Variants in PER3 observed in about 807,000 individuals in gnomAD.
PER3 encodes the protein period circadian regulator 3, also known as period circadian protein homolog 3.
Under a neutral mutation model 127.2 loss-of-function variants are expected in PER3, and 107 were observed. The observed-to-expected ratio is 0.84, with a 90% CI of 0.72 to 0.99. PER3 has a LOEUF of 0.99. Among genes scored for constraint, PER3 ranks in the 50% least tolerant of loss-of-function variants. The pLI, the probability that PER3 is intolerant of heterozygous loss-of-function variation, is 0.00. For synonymous variants in PER3, 618 were observed against 585.8 expected (o/e 1.05, Z -0.79); for missense variants, 1,560 against 1,525.8 (o/e 1.02, Z -0.37).
At chr1:7,816,948 G>A (rs6661252) in intron 13 of PER3, among the ~76,000 whole-genome samples, 85,416 of 152,082 alleles carry the variant, frequency 0.56, 25,276 homozygotes, top group Middle Eastern at 0.72. Context: ...TAAGCTATGT[G>A]TATCCACACA....
rs1158673436 is a variant in PER3, at chr1:7,792,622, C to T, written c.593-1335C>T. On this transcript the variant is annotated intron_variant, in intron 5 of 21. Coordinates refer to ENST00000377532, the MANE Select transcript of PER3 (RefSeq NM_001377275.1). ...CCACCCCCTTTATAGGCTATGCCTG[C>T]GTTACCCCCTTCGATTCCTTACTTT... Among the ~76,000 whole-genome samples, 5 of 152,164 alleles carry T rather than the reference C, an allele frequency of 3.3e-5. No individual in the cohort carries two copies. In the East Asian group the frequency reaches 7.7e-4, roughly 23 times the overall value.
rs757633714 is a variant in PER3, at chr1:7,809,941, G to A, written c.1291G>A (p.Gly431Arg). ...CGGCTACGGGAGCCTGGGGAGCAGC[G>A]GGTCGCAGGAGCAGCTTGTCAGCAT... Reference protein sequence around the residue: ...SSGYGSLGSSGSQEQLVSIAS... With the variant: ...SSGYGSLGSSRSQEQLVSIAS... The change falls in exon 12 of 22, where the codon GGG becomes AGG. Residue 431 changes from glycine to arginine, a missense_variant. By Grantham distance (125) the Gly-to-Arg change is moderately radical (BLOSUM62 -2). This residue lies in a region of PER3 where 1,332 missense variants were observed against 1,223.6 expected (regional missense o/e 1.09). Coordinates refer to ENST00000377532, the MANE Select transcript of PER3 (RefSeq NM_001377275.1). 5.0e-6 allele frequency: 8 copies of A among 1,613,932 alleles called. No individual in the cohort carries two copies. Among genetic ancestry groups the A allele is most frequent in the East Asian group, 4.5e-5 (2 of 44,894 alleles).
chr1:7,801,473 G>A (rs1378776859), intron 8 of PER3, among the ~76,000 whole-genome samples: 1 of 152,212 alleles, frequency 6.6e-6, no homozygotes, highest in African/African-American at 2.4e-5. Context: ...CCACCGGCCA[G>A]TTTGCTGAGA....
At chr1:7,790,805 A>G (rs2097115894) in intron 5 of PER3, among the ~76,000 whole-genome samples, 1 of 152,236 alleles carries the variant, frequency 6.6e-6, no homozygotes, top group African/African-American at 2.4e-5. Context: ...GGCCAAAACA[A>G]AGGGGCTACA....
intron 21 of PER3, among the ~76,000 whole-genome samples, chr1:7,838,473 A>G (rs545525132): frequency 2.3e-4 from 35 of 151,902 alleles, no homozygotes; most frequent in Admixed American, 1.8e-3. Flanking sequence ...CAGTGGTGTG[A>G]TCTTGGCTCA....
At position 7,819,367 on chromosome 1, in the gene PER3, C is replaced by T. The variant is rs144835907; in HGVS notation, c.1605C>T (p.Asn535=). The T allele has an allele frequency of 3.2e-4, 520 of 1,613,722 alleles. No homozygotes were observed. Among genetic ancestry groups the T allele is most frequent in the Non-Finnish European group, 4.1e-4 (482 of 1,179,656 alleles). ...VYTEPCEDLR[N]DEHSPSYQQI... is the part of the protein sequence containing the mutation. ...CTGAGCCCTGTGAGGATTTGAGGAA[C>T]GATGAGCACAGCCCATCCTATCAAC... is the stretch of plus-strand genomic sequence containing the variant. Residue 535 remains asparagine, a synonymous_variant, in exon 14 of 22, where the codon AAC becomes AAT. Coordinates refer to ENST00000377532, the MANE Select transcript of PER3 (RefSeq NM_001377275.1).
rs554792794 is a variant in PER3 at position 7,828,013 on chromosome 1, C to T, written c.2886+198C>T. ...GTTTGGAAAGTAGACATGAAAGAAT[C>T]ATCTATGTTCTAGTTTCTTATATAC... On this transcript the variant is annotated intron_variant, in intron 18 of 21. Transcript: ENST00000377532. Among the ~76,000 whole-genome samples the T allele has an allele frequency of 1.3e-4, 20 of 152,320 alleles. No homozygotes were observed. The South Asian group carries it at 4.1e-3, about 32-fold the overall frequency.
rs1247298556 is a variant in PER3 at position 7,827,621 on chromosome 1, A to G, written c.2692A>G (p.Thr898Ala). The change falls in exon 18 of 22, where the codon ACT becomes GCT. Residue 898 changes from threonine to alanine, a missense_variant. Around this residue, in one of 3 missense-constraint regions of PER3, gnomAD observed 1,332 missense variants for 1,223.6 expected, o/e 1.09. Coordinates refer to ENST00000377532, the MANE Select transcript of PER3 (RefSeq NM_001377275.1). The stretch of plus-strand genomic sequence containing the variant: ...CTCAATGTCGTCAGCAATGAGTCCA[A>G]CTCTGGACCCACCCCCTTCAGTCAC... The part of the protein sequence containing the change: ...SPSMSSAMSP[T>A]LDPPPSVTSQ... The G allele has an allele frequency of 6.2e-7, 1 of 1,614,032 alleles. No individual in the cohort carries two copies. The highest frequency in any genetic ancestry group is 8.5e-7 in the Non-Finnish European group (1 of 1,179,988).
At chr1:7,792,210 C>T (rs933095969) in intron 5 of PER3, among the ~76,000 whole-genome samples, 16 of 152,070 alleles carry the variant, frequency 1.1e-4, no homozygotes, top group Admixed American at 7.9e-4. Flanking sequence ...TCATGGCAGA[C>T]GGGGACATGT....
intron 2 of PER3, 52 bp from the exon 3 acceptor site, chr1:7,785,389 A>G (rs2097082340): frequency 2.0e-6 from 3 of 1,469,712 alleles, no homozygotes; most frequent in Non-Finnish European, 1.9e-6. Context: ...CCTAAGCCGC[A>G]AGATGCTGTT....
intron 8 of PER3, among the ~76,000 whole-genome samples, chr1:7,802,638 T>G (rs1577718556): frequency 7.2e-6 from 1 of 138,646 alleles, no homozygotes; most frequent in Non-Finnish European, 1.6e-5. Flanking sequence ...TTTAACATCA[T>G]CAGCATCTTT....
intron 13 of PER3, among the ~76,000 whole-genome samples, chr1:7,817,872 CA>C (rs2097258689): frequency 6.6e-6 from 1 of 152,128 alleles, no homozygotes; most frequent in South Asian, 2.1e-4. Flanking sequence ...TCCTCCAAAA[CA>C]TATTATTTAT....
chr1:7,825,422 A>C (rs2097296990), intron 16 of PER3, among the ~76,000 whole-genome samples: 1 of 152,198 alleles, frequency 6.6e-6, no homozygotes, highest in Admixed American at 6.5e-5. Context: ...TATGCATATA[A>C]AATGGAACTC....
At chr1:7,838,771 ACT>A (rs2097369963) in intron 21 of PER3, among the ~76,000 whole-genome samples, 2 of 151,936 alleles carry the variant, frequency 1.3e-5, no homozygotes, top group African/African-American at 4.8e-5. Context: ...AGACGTACCT[ACT>A]CTCTTGGTTA....
intron 5 of PER3, 138 bp from the exon 6 acceptor site, chr1:7,793,815 TGAAG>T (rs1004965704): frequency 2.8e-6 from 2 of 723,436 alleles, no homozygotes; most frequent in Non-Finnish European, 2.4e-6. Context: ...GATCTCAAAA[TGAAG>T]GAAGGGGGTT....
At chr1:7,830,184 G>A in intron 19 of PER3, 23 bp downstream of exon 19, 3 of 1,593,822 alleles carry the variant, frequency 1.9e-6, no homozygotes, top group South Asian at 1.1e-5. Context: ...GACAACTAAT[G>A]TTTCAAACTC....
At chr1:7,795,716 G>C (rs1158774677) in intron 6 of PER3, among the ~76,000 whole-genome samples, 1 of 152,222 alleles carries the variant, frequency 6.6e-6, no homozygotes. Context: ...ACTTCTGCAC[G>C]AAGTGTTTTA....
rs761633623 is a variant in PER3 at position 7,798,577 on chromosome 1, C to G, written c.697C>G (p.Pro233Ala). 16 of 1,612,702 alleles carry G rather than the reference C, an allele frequency of 9.9e-6. No homozygotes were observed. Among genetic ancestry groups the G allele is most frequent in the Non-Finnish European group, 1.4e-5 (16 of 1,178,812 alleles). Reference sequence around the variant, plus strand: ...GTGTCACTCCCCATTCCGGATCATCCCCTATCTGATTCATGTACATCACCC... The same window carrying G: ...GTGTCACTCCCCATTCCGGATCATCGCCTATCTGATTCATGTACATCACCC... ...EKCHSPFRII[P>A]YLIHVHHPAQ... The change falls in exon 7 of 22, where the codon CCC becomes GCC. Residue 233 changes from proline to alanine, a missense_variant. Physicochemically the swap from Pro to Ala is conservative, Grantham distance 27 (BLOSUM62 -1). Around this residue, in one of 3 missense-constraint regions of PER3, gnomAD observed 1,332 missense variants for 1,223.6 expected, o/e 1.09. Coordinates refer to ENST00000377532, the MANE Select transcript of PER3 (RefSeq NM_001377275.1).
chr1:7,841,764 AAGC>A (rs1293720155), intron 21 of PER3, among the ~76,000 whole-genome samples: 1 of 152,114 alleles, frequency 6.6e-6, no homozygotes, highest in Non-Finnish European at 1.5e-5. Context: ...TCTCACCAAA[AAGC>A]AGGAGCTGGG....
Sources: allele counts gnomAD v4.1 joint callset (sites outside exome capture counted in the v4.1 genomes callset), GRCh38; gene constraint gnomAD v4.1.1; regional missense constraint gnomAD v4.1.1; transcripts MANE v1.5; gene names NCBI Gene and HGNC (gene_info 2026-07-23, HGNC 2026-07-21).